SPECC1: variants seen among roughly 807,000 people sequenced by gnomAD.
The protein encoded by SPECC1 is sperm antigen with calponin homology and coiled-coil domains 1, also known as cytospin-B.
In SPECC1, 62 loss-of-function variants were observed where a neutral mutation model predicts 104.1. The ratio of observed to expected loss-of-function variants is 0.60; its 90% CI spans 0.49 to 0.74. SPECC1 has a LOEUF of 0.74. SPECC1 is among the 30% of genes least tolerant of loss of function. The pLI, the probability that SPECC1 is intolerant of heterozygous loss-of-function variation, is 0.00. For synonymous variants in SPECC1, 513 were observed against 501.6 expected, an observed-to-expected ratio of 1.02 and a Z score of -0.30; for missense variants, 1,306 against 1,310.5, an observed-to-expected ratio of 1.00 and a Z score of 0.05.
At chr17:20,228,593 G>A (rs2038380976) in intron 5 of SPECC1, among the ~76,000 whole-genome samples, 3 of 152,216 alleles carry the variant, frequency 2.0e-5, no homozygotes, top group Admixed American at 2.0e-4. Flanking sequence ...AGAGATGGAT[G>A]ATAGGTATCA....
intron 3 of SPECC1, among the ~76,000 whole-genome samples, chr17:20,187,023 A>G (rs1483093155): frequency 6.6e-6 from 1 of 152,056 alleles, no homozygotes; most frequent in Non-Finnish European, 1.5e-5. Flanking sequence ...GCTTGGGACC[A>G]GATGTGTTTT....
intron 3 of SPECC1, among the ~76,000 whole-genome samples, chr17:20,122,146 C>G (rs2049066590): frequency 6.6e-6 from 1 of 152,130 alleles, no homozygotes; most frequent in Non-Finnish European, 1.5e-5. Flanking sequence ...GGGGCCGCAG[C>G]AGAGTGAACA....
At chr17:20,206,189 T>C (rs1597973741) in intron 4 of SPECC1, among the ~76,000 whole-genome samples, 2 of 152,180 alleles carry the variant, frequency 1.3e-5, no homozygotes, top group Non-Finnish European at 2.9e-5. Context: ...ATACAGCCTA[T>C]GCCCAGGCTC....
At position 20,285,154 on chromosome 17, in the gene SPECC1, G is replaced by A. The variant is rs138729567; in HGVS notation, c.2941-11807G>A. Among the ~76,000 whole-genome samples, 324 of 152,290 alleles carry A rather than the reference G, an allele frequency of 2.1e-3. 1 individual carries two copies. Among genetic ancestry groups the A allele is most frequent in the Non-Finnish European group, 3.7e-3 (249 of 68,022 alleles). ...TAACCAAGGCAAGGCAAGTAACCAG[G>A]CAACCAAGGCAAGCGAAAGCATCTT... is the stretch of plus-strand genomic sequence containing the variant. On this transcript the variant is annotated intron_variant, in intron 12 of 14. Coordinates refer to ENST00000395527, the MANE Select transcript of SPECC1 (RefSeq NM_001243439.2).
At chr17:20,057,961 G>C (rs2152468520) in intron 1 of SPECC1, 1 of 152,128 alleles carries the variant, frequency 6.6e-6, no homozygotes. Context: ...GAAGAAAACT[G>C]TCAACTCTCG....
intron 1 of SPECC1, among the ~76,000 whole-genome samples, chr17:20,030,227 T>G (rs1400524483): frequency 5.3e-5 from 8 of 152,210 alleles, no homozygotes; most frequent in Admixed American, 5.2e-4. Flanking sequence ...TACTTTTTAG[T>G]ATCTAGGGTT....
At chr17:20,044,756 A>G (rs1228083910) in intron 1 of SPECC1, among the ~76,000 whole-genome samples, 1 of 152,220 alleles carries the variant, frequency 6.6e-6, no homozygotes, top group Admixed American at 6.5e-5. Context: ...TGAGACTATA[A>G]TGATAATGGG....
At chr17:20,311,640 G>A (rs747120005) in intron 14 of SPECC1, among the ~76,000 whole-genome samples, 5 of 152,016 alleles carry the variant, frequency 3.3e-5, no homozygotes, top group African/African-American at 1.2e-4. Flanking sequence ...TGATCCACCC[G>A]CCTCGGCCTC....
chr17:20,246,107 A>T (rs1225339107), intron 8 of SPECC1, 36 bp downstream of exon 8: 2 of 1,609,206 alleles, frequency 1.2e-6, no homozygotes, highest in Non-Finnish European at 1.7e-6. Context: ...AAAGCTCCAA[A>T]TTCAAACTTT....
intron 1 of SPECC1, among the ~76,000 whole-genome samples, chr17:20,072,894 A>T (rs1217469719): frequency 6.6e-6 from 1 of 151,910 alleles, no homozygotes; most frequent in Non-Finnish European, 1.5e-5. Flanking sequence ...TACCTTCACA[A>T]CATTTCTTCG....
chr17:20,124,065 C>T (rs1015933132), intron 3 of SPECC1, among the ~76,000 whole-genome samples: 1 of 151,722 alleles, frequency 6.6e-6, no homozygotes, highest in African/African-American at 2.4e-5. Context: ...GTTGAGAGGC[C>T]GGAAGGTGGG....
At chr17:20,066,514 C>T (rs986278744) in intron 1 of SPECC1, among the ~76,000 whole-genome samples, 2 of 152,138 alleles carry the variant, frequency 1.3e-5, no homozygotes, top group Non-Finnish European at 2.9e-5. Context: ...TGATACTTCC[C>T]GGTCTCCCTG....
intron 2 of SPECC1, among the ~76,000 whole-genome samples, chr17:20,107,396 G>A (rs919709592): frequency 2.0e-5 from 3 of 149,170 alleles, no homozygotes; most frequent in African/African-American, 7.4e-5. Context: ...ATTGCTTGAG[G>A]CCAGGAGTTC....
intron 12 of SPECC1, among the ~76,000 whole-genome samples, chr17:20,288,136 T>C (rs1426721964): frequency 6.6e-6 from 1 of 152,224 alleles, no homozygotes; most frequent in East Asian, 1.9e-4. Flanking sequence ...ATCTTGTTTT[T>C]TTATGGCTGC....
intron 3 of SPECC1, chr17:20,112,490 A>C: frequency 1.3e-6 from 1 of 766,524 alleles, no homozygotes. Context: ...CCAAGGTTTG[A>C]ACTTCAGTGG....
In SPECC1 at chr17:20,257,589, A is replaced by C; in HGVS notation, c.2819A>C (p.Lys940Thr). The change falls in exon 11 of 15, where the codon AAA (lysine) becomes ACA (threonine). Residue 940 changes from lysine to threonine, a missense_variant. Coordinates refer to ENST00000395527, the MANE Select transcript of SPECC1 (RefSeq NM_001243439.2). Reference sequence around the variant, plus strand: ...CTGAGTGCTTCCACCCGGGCATGGAAACCACAAAGCAAACTCAGGTATCGT... The same window carrying C: ...CTGAGTGCTTCCACCCGGGCATGGACACCACAAAGCAAACTCAGGTATCGT... ...RLLSASTRAW[K>T]PQSKLSVERK... 7.4e-6 allele frequency: 12 copies of C among 1,612,716 alleles called. No homozygotes were observed. Among genetic ancestry groups the C allele is most frequent in the Non-Finnish European group, 9.3e-6 (11 of 1,179,724 alleles).
chr17:20,224,758 G>A (rs1194681204), intron 4 of SPECC1, among the ~76,000 whole-genome samples: 1 of 152,092 alleles, frequency 6.6e-6, no homozygotes, highest in Non-Finnish European at 1.5e-5. Flanking sequence ...GGCCTAGATG[G>A]GGGACTTTAG....
rs1173116541 is a variant in SPECC1 at position 20,232,375 on chromosome 17, G to A, written c.2321G>A (p.Gly774Asp). The change falls in exon 7 of 15, where the codon GGC becomes GAC. Residue 774 changes from glycine to aspartate, a missense_variant. Gly to Asp is a moderately conservative substitution (Grantham distance 94). Coordinates refer to ENST00000395527, the MANE Select transcript of SPECC1 (RefSeq NM_001243439.2). ...QKELGDVQGH[G>D]RVVTSRAAPP... is the part of the protein sequence containing the mutation. ...GAGCTGGGGGATGTGCAGGGCCACG[G>A]CAGGGTGGTCACCAGCAGAGCCGCC... 7.4e-6 allele frequency: 12 copies of A among 1,612,846 alleles called. No individual in the cohort carries two copies. The highest frequency in any genetic ancestry group is 8.5e-7 in the Non-Finnish European group (1 of 1,179,448).
chr17:20,273,760 C>T (rs569272337), intron 12 of SPECC1, among the ~76,000 whole-genome samples: 1 of 152,288 alleles, frequency 6.6e-6, no homozygotes, highest in Non-Finnish European at 1.5e-5. Context: ...CTTTGCCCTT[C>T]GCCACTGCTG....
Sources: gnomAD v4.1 joint callset for allele counts (sites outside exome capture counted in the v4.1 genomes callset) on GRCh38, gnomAD v4.1.1 for gene constraint, MANE v1.5 for transcripts, NCBI Gene and HGNC (gene_info 2026-07-23, HGNC 2026-07-21) for gene names.